Variants in FUT8 observed in about 807,000 individuals in gnomAD.
The protein encoded by FUT8 is alpha-(1,6)-fucosyltransferase.
In FUT8, 29 loss-of-function variants were observed where a neutral mutation model predicts 71.3. That is an observed-to-expected ratio of 0.41 (90% CI 0.30 to 0.55). The LOEUF is 0.55. Ranked by LOEUF, FUT8 falls within the 20% of genes least tolerant of loss-of-function variation. The pLI, the probability that FUT8 is intolerant of heterozygous loss-of-function variation, is 0.34. For synonymous variants in FUT8, 254 were observed against 239.3 expected, an observed-to-expected ratio of 1.06 and a Z score of -0.57; for missense variants, 544 against 702.1, an observed-to-expected ratio of 0.77 and a Z score of 2.55.
the FUT8 span, among the ~76,000 whole-genome samples, chr14:65,388,026 G>T: frequency 6.6e-6 from 1 of 152,192 alleles, no homozygotes; most frequent in South Asian, 2.1e-4. Context: ...AGATGAAGAG[G>T]TTGGTCTATA....
At chr14:65,379,871 C>T in the FUT8 span, among the ~76,000 whole-genome samples, 41 of 152,210 alleles carry the variant, frequency 2.7e-4, no homozygotes, top group South Asian at 4.2e-3. Context: ...GCAGGAGGGG[C>T]GAACACTGGG....
chr14:65,622,347 C>T (rs775849888), intron 5 of FUT8, among the ~76,000 whole-genome samples: 58 of 152,102 alleles, frequency 3.8e-4, no homozygotes, highest in Admixed American at 2.0e-3. Context: ...TTACCTAGTG[C>T]GTGACACATT....
At chr14:65,667,146 A>G (rs1016425530) in intron 6 of FUT8, among the ~76,000 whole-genome samples, 2 of 152,264 alleles carry the variant, frequency 1.3e-5, no homozygotes, top group South Asian at 2.1e-4. Context: ...GCTGTTCAAC[A>G]TAGTTCTAAA....
At chr14:65,589,101 C>T (rs1887545937) in intron 3 of FUT8, among the ~76,000 whole-genome samples, 1 of 152,150 alleles carries the variant, frequency 6.6e-6, no homozygotes, top group Non-Finnish European at 1.5e-5. Flanking sequence ...ACACAAAAGA[C>T]AGACATTTTT....
chr14:65,587,114 G>A (rs990517071), intron 3 of FUT8, among the ~76,000 whole-genome samples: 2 of 151,862 alleles, frequency 1.3e-5, no homozygotes, highest in South Asian at 2.1e-4. Context: ...GTGTGAACCC[G>A]GGAGGCGGAG....
intron 3 of FUT8, among the ~76,000 whole-genome samples, chr14:65,578,390 A>G (rs1886905395): frequency 6.6e-6 from 1 of 152,176 alleles, no homozygotes; most frequent in Non-Finnish European, 1.5e-5. Flanking sequence ...CTTTCAGGCA[A>G]ATTTGTATTT....
the FUT8 span, among the ~76,000 whole-genome samples, chr14:65,399,529 T>G: frequency 1.3e-5 from 2 of 152,146 alleles, no homozygotes; most frequent in Admixed American, 6.5e-5. Flanking sequence ...CACTTGCCAT[T>G]TGGTGAAAAA....
intron 2 of FUT8, among the ~76,000 whole-genome samples, chr14:65,525,197 C>CT (rs1883365195): frequency 1.3e-5 from 2 of 150,980 alleles, no homozygotes; most frequent in South Asian, 4.2e-4. Context: ...TGGTCCTGGA[C>CT]TTTTTTTGGT....
intron 7 of FUT8, among the ~76,000 whole-genome samples, chr14:65,717,109 AC>A (rs1237464447): frequency 2.4e-5 from 2 of 84,708 alleles, no homozygotes; most frequent in Admixed American, 1.4e-4. Context: ...TTCCCAGACG[AC>A]GGGCAGCCGG....
At position 65,729,947 on chromosome 14, in the gene FUT8, G is replaced by A. The variant is rs142239099; in HGVS notation, c.1260-3284G>A. Among the ~76,000 whole-genome samples, 23 of 151,556 alleles carry A rather than the reference G, an allele frequency of 1.5e-4. No individual in the cohort carries two copies. The East Asian group carries it at 4.2e-3, about 28-fold the overall frequency. On this transcript the variant is annotated intron_variant, in intron 9 of 10. Transcript: ENST00000673929. ...TTTATTTTTATTTTCGACTTGAGTC[G>A]TTTCTCGGGGATTTAAATGATGGGT... is the stretch of plus-strand genomic sequence containing the variant.
At chr14:65,615,391 G>A (rs1889227036) in intron 3 of FUT8, among the ~76,000 whole-genome samples, 1 of 152,110 alleles carries the variant, frequency 6.6e-6, no homozygotes, top group South Asian at 2.1e-4. Flanking sequence ...ATAGGCATGA[G>A]TGGCTACACC....
intron 2 of FUT8, among the ~76,000 whole-genome samples, chr14:65,509,587 A>G (rs1882198871): frequency 6.6e-6 from 1 of 152,016 alleles, no homozygotes; most frequent in Non-Finnish European, 1.5e-5. Flanking sequence ...TATCCTCTTC[A>G]ATTTCTTTCA....
the FUT8 span, among the ~76,000 whole-genome samples, chr14:65,359,252 G>T: frequency 1.3e-5 from 2 of 152,120 alleles, no homozygotes; most frequent in African/African-American, 4.8e-5. Flanking sequence ...CTGCCCCAAG[G>T]ACACATGCTC....
At position 65,669,206 on chromosome 14, in the gene FUT8, ACTTAT is replaced by A. The variant is rs1183819133; in HGVS notation, c.598-33_598-29del. The A allele has an allele frequency of 1.3e-6, 2 of 1,535,372 alleles. No homozygotes were observed. Among genetic ancestry groups the A allele is most frequent in the African/African-American group, 2.7e-5 (2 of 73,154 alleles). On this transcript the variant is annotated intron_variant, in intron 6 of 10. Transcript: ENST00000673929. The surrounding 1 kb of genome is among the most constrained non-coding windows in gnomAD (Gnocchi z 4.5). ...AAAGAGCAGTTGACCTCTCTGTACA[ACTTAT>A]CTTTATTTTCATTTCTCTTTCTCCC...
chr14:65,415,399 A>G (rs1306099875), intron 1 of FUT8, among the ~76,000 whole-genome samples: 1 of 152,244 alleles, frequency 6.6e-6, no homozygotes, highest in Non-Finnish European at 1.5e-5. Context: ...AATAATGGAA[A>G]GCTAAATGCT....
chr14:65,463,952 A>C (rs2184603), intron 2 of FUT8, among the ~76,000 whole-genome samples: 54,236 of 152,138 alleles, frequency 0.36, 11,982 homozygotes, highest in Non-Finnish European at 0.5. Flanking sequence ...GATGCTTGAG[A>C]AGTTAGAGAG....
chr14:65,527,815 T>C (rs143647925), intron 2 of FUT8, among the ~76,000 whole-genome samples: 1 of 152,350 alleles, frequency 6.6e-6, no homozygotes, highest in East Asian at 1.9e-4. Flanking sequence ...GGAGGTCCAC[T>C]GCAGACCTTG....
chr14:65,635,933 C>G (rs1214691362), intron 6 of FUT8, among the ~76,000 whole-genome samples: 1 of 151,268 alleles, frequency 6.6e-6, no homozygotes, highest in African/African-American at 2.4e-5. Context: ...CTTTAAATGT[C>G]TGGTAGAATT....
chr14:65,374,374 G>GT, the FUT8 span, among the ~76,000 whole-genome samples: 3 of 152,120 alleles, frequency 2.0e-5, no homozygotes, highest in Non-Finnish European at 1.5e-5. Flanking sequence ...GGAAAAAGGG[G>GT]TTTGGATAAA....
Sources: allele counts gnomAD v4.1 joint callset (sites outside exome capture counted in the v4.1 genomes callset), GRCh38; gene constraint gnomAD v4.1.1; non-coding constraint Gnocchi (gnomAD v3.1); transcripts MANE v1.5; gene names NCBI Gene and HGNC (gene_info 2026-07-23, HGNC 2026-07-21).